The following STRA6 variants were observed in gnomAD, a reference collection of about 807,000 sequenced individuals.
STRA6 encodes the protein signaling receptor and transporter of retinol STRA6, also known as receptor for retinol uptake STRA6.
STRA6 carries 48 observed loss-of-function variants against 83.6 expected under a neutral mutation model. The ratio of observed to expected loss-of-function variants is 0.57; its 90% CI spans 0.46 to 0.73. STRA6 has a LOEUF of 0.73. STRA6 is among the 30% of genes least tolerant of loss of function. The pLI, the probability that STRA6 is intolerant of heterozygous loss-of-function variation, is 0.00. For missense variants in STRA6, 760 were observed against 838.8 expected (o/e 0.91, Z 1.16); for synonymous variants, 353 against 362.3 (o/e 0.97, Z 0.29).
At position 74,191,457 on chromosome 15, in the gene STRA6, C is replaced by A; in HGVS notation, c.755G>T (p.Arg252Met). 1 of 1,614,212 alleles carries A rather than the reference C, an allele frequency of 6.2e-7. No homozygotes were observed. Among genetic ancestry groups the A allele is most frequent in the East Asian group, 2.2e-5 (1 of 44,880 alleles). ...CAGCTTCTTCCTGCAAAGGAGGTTCCTCAGATATTCCTCAGAGTAGCTGCT... is the reference window on the plus strand; with the variant it reads ...CAGCTTCTTCCTGCAAAGGAGGTTCATCAGATATTCCTCAGAGTAGCTGCT... ...LQSSYSEEYL[R>M]NLLCRKKLGS... Residue 252 changes from arginine to methionine, a missense_variant, in exon 9 of 19, where the codon AGG becomes ATG. Arg to Met is a moderately conservative substitution (Grantham distance 91, BLOSUM62 -1). Coordinates refer to ENST00000395105, the MANE Select transcript of STRA6 (RefSeq NM_022369.4).
In STRA6 at chr15:74,180,098, G is replaced by C. The variant is rs1441049447; in HGVS notation, c.1986C>G (p.Ala662=). The C allele has an allele frequency of 6.2e-7, 1 of 1,613,340 alleles. No homozygotes were observed. The highest frequency in any genetic ancestry group is 1.3e-5 in the African/African-American group (1 of 75,050). The change falls in exon 19 of 19, where the codon GCC becomes GCG. Residue 662 remains alanine (A), a synonymous_variant. Coordinates refer to ENST00000395105, the MANE Select transcript of STRA6 (RefSeq NM_022369.4). Reference sequence around the variant, plus strand: ...CCTGCCCTCAGGGCTGGGCACCATTGGCACCCAACAGGGCCGTCTTGCGGA... The same window carrying C: ...CCTGCCCTCAGGGCTGGGCACCATTCGCACCCAACAGGGCCGTCTTGCGGA... ...QVFRKTALLG[A]NGAQP is the part of the protein sequence containing the mutation.
chr15:74,193,527 T>G (rs554153402), intron 8 of STRA6, among the ~76,000 whole-genome samples: 6 of 152,306 alleles, frequency 3.9e-5, no homozygotes, highest in East Asian at 3.9e-4. Context: ...GACAGAGATA[T>G]GACTCTCCTG....
At chr15:74,195,848 A>G (rs2073789437) in intron 5 of STRA6, among the ~76,000 whole-genome samples, 160 bp downstream of exon 5, 1 of 152,142 alleles carries the variant, frequency 6.6e-6, no homozygotes, top group Admixed American at 6.5e-5. Flanking sequence ...ATCGTTGTAA[A>G]GACTGGATGG....
chr15:74,210,675 A>T (rs2074353515), upstream of STRA6, among the ~76,000 whole-genome samples: 1 of 152,212 alleles, frequency 6.6e-6, no homozygotes, highest in African/African-American at 2.4e-5. Flanking sequence ...GTGAGTAAGG[A>T]GCTGTGAAGG....
chr15:74,192,992 CG>C (rs1025083531), intron 8 of STRA6, among the ~76,000 whole-genome samples: 1 of 152,148 alleles, frequency 6.6e-6, no homozygotes, highest in African/African-American at 2.4e-5. Context: ...GCACTGAGCC[CG>C]GGGCCTGACA....
rs773458286 is a variant in STRA6 at position 74,185,002 on chromosome 15, T to A, written c.1144A>T (p.Met382Leu). Residue 382 changes from methionine to leucine, a missense_variant, in exon 13 of 19, where the codon ATG becomes TTG. Coordinates refer to ENST00000395105, the MANE Select transcript of STRA6 (RefSeq NM_022369.4). ...CACCTGTGTGTCACCAGTGAGCGCA[T>A]CAGGACCAGGAAGGTGAGTAAGCAG... ...LSCLLTFLVL[M>L]RSLVTHRTNL... is the part of the protein sequence containing the mutation. The A allele has an allele frequency of 5.0e-6, 8 of 1,613,842 alleles. No homozygotes were observed. The African/African-American group carries it at 9.3e-5, about 19-fold the overall frequency.
intron 8 of STRA6, among the ~76,000 whole-genome samples, chr15:74,192,221 GGAGA>G (rs2073582003): frequency 6.6e-6 from 1 of 152,162 alleles, no homozygotes; most frequent in African/African-American, 2.4e-5. Flanking sequence ...GGCTGGCAAT[GGAGA>G]GAGAGATGGG....
At chr15:74,185,672 G>A (rs573796550) in intron 12 of STRA6, among the ~76,000 whole-genome samples, 1 of 152,340 alleles carries the variant, frequency 6.6e-6, no homozygotes, top group African/African-American at 2.4e-5. Flanking sequence ...ACAAGCCTGG[G>A]TGTTTAAGAA....
At chr15:74,200,081 G>C (rs570605565) in intron 2 of STRA6, among the ~76,000 whole-genome samples, 4 of 152,118 alleles carry the variant, frequency 2.6e-5, no homozygotes, top group African/African-American at 7.2e-5. Flanking sequence ...TTAGCTGGGC[G>C]TGGTGGCACG....
upstream of STRA6, chr15:74,209,047 A>C: frequency 8.5e-7 from 1 of 1,176,532 alleles, no homozygotes; most frequent in Non-Finnish European, 1.1e-6. Context: ...CCCGGAAGGC[A>C]GCTCCCCCCT....
intron 4 of STRA6, 148 bp downstream of exon 4, chr15:74,197,189 TG>T: frequency 3.2e-6 from 2 of 628,724 alleles, no homozygotes; most frequent in South Asian, 1.9e-5. Context: ...GAGACCTAGG[TG>T]GGGGTGAGGA....
chr15:74,200,206 G>A (rs1185772194), intron 2 of STRA6, among the ~76,000 whole-genome samples: 5 of 152,334 alleles, frequency 3.3e-5, no homozygotes, highest in Non-Finnish European at 4.4e-5. Context: ...GGCAACAAGA[G>A]CGAGACTCCA....
chr15:74,209,019 G>T, exon 1 of STRA6: 1 of 1,086,694 alleles, frequency 9.2e-7, no homozygotes. Flanking sequence ...TGCTTTAAAA[G>T]GTGTTTGATC....
Position 74,191,478 on chromosome 15 carries a change from C to G in STRA6, c.734G>C (p.Ser245Thr). 1 of 1,614,182 alleles carries G rather than the reference C, an allele frequency of 6.2e-7. No individual in the cohort carries two copies. The highest frequency in any genetic ancestry group is 8.5e-7 in the Non-Finnish European group (1 of 1,180,020). The change falls in exon 9 of 19, where the codon AGC becomes ACC. Residue 245 changes from serine to threonine, a missense_variant. Ser to Thr is a moderately conservative substitution (Grantham distance 58). Transcript: ENST00000395105. Reference protein sequence around the residue: ...TGAGSKGLQSSYSEEYLRNLL... With the variant: ...TGAGSKGLQSTYSEEYLRNLL... Reference sequence around the variant, plus strand: ...GTTCCTCAGATATTCCTCAGAGTAGCTGCTCTGCAGCCCCTGTGGAGACAG... The same window carrying G: ...GTTCCTCAGATATTCCTCAGAGTAGGTGCTCTGCAGCCCCTGTGGAGACAG...
At chr15:74,198,103 TTC>T (rs1201044952) in intron 2 of STRA6, among the ~76,000 whole-genome samples, 2 of 151,666 alleles carry the variant, frequency 1.3e-5, no homozygotes, top group African/African-American at 4.8e-5. Context: ...TGATCACTTA[TTC>T]TCTTTTTTTT....
In STRA6 at chr15:74,180,848, G is replaced by A. The variant is rs2072942829; in HGVS notation, c.1774C>T (p.Gln592Ter). The change falls in exon 18 of 19, where the codon CAG becomes TAG. Residue 592 changes from glutamine to a stop codon, truncating the protein, a stop_gained. Coordinates refer to ENST00000395105, the MANE Select transcript of STRA6 (RefSeq NM_022369.4). LOFTEE classifies it high-confidence loss of function. ...GCCATGGTCCTGGGTAGGAGGCTCTGCGCTTGCAGGAGCAGGGAGCAGAAG... is the reference window on the plus strand; with the variant it reads ...GCCATGGTCCTGGGTAGGAGGCTCTACGCTTGCAGGAGCAGGGAGCAGAAG... ...TAFCSLLLQA[Q>*]SLLPRTMAAP... is the part of the protein sequence containing the mutation. The A allele has an allele frequency of 1.2e-6, 2 of 1,614,146 alleles. No homozygotes were observed. Among genetic ancestry groups the A allele is most frequent in the Non-Finnish European group, 1.7e-6 (2 of 1,180,002 alleles).
intron 7 of STRA6, chr15:74,194,925 C>A: frequency 7.0e-7 from 1 of 1,423,930 alleles, no homozygotes; most frequent in Non-Finnish European, 9.1e-7. Context: ...CCTGACTTCG[C>A]ACTTGCCGGC....
chr15:74,180,777 C>T lies in STRA6; in HGVS notation c.1840+5G>A, dbSNP rs191226238. Reference sequence around the variant, plus strand: ...TATTCCCCCATTCCCAGTGGGAGGGCGCACCTTCGTCTTCCTCCCCTGGTC... The same window carrying T: ...TATTCCCCCATTCCCAGTGGGAGGGTGCACCTTCGTCTTCCTCCCCTGGTC... On this transcript the variant is annotated splice_donor_5th_base_variant and intron_variant, in intron 18 of 18. Coordinates refer to ENST00000395105, the MANE Select transcript of STRA6 (RefSeq NM_022369.4). 6.6e-5 allele frequency: 105 copies of T among 1,602,458 alleles called. No homozygotes were observed. In the East Asian group the frequency reaches 1.4e-3, roughly 21 times the overall value.
At chr15:74,193,696 T>C in intron 8 of STRA6, 104 bp downstream of exon 8, 2 of 1,559,514 alleles carry the variant, frequency 1.3e-6, no homozygotes, top group South Asian at 1.1e-5. Flanking sequence ...TATTCTGTGC[T>C]GGGCCCTACA....
Sources: gnomAD v4.1 joint callset for allele counts (sites outside exome capture counted in the v4.1 genomes callset) on GRCh38, gnomAD v4.1.1 for gene constraint, MANE v1.5 for transcripts, NCBI Gene and HGNC (gene_info 2026-07-23, HGNC 2026-07-21) for gene names.